UBA6: variants seen among roughly 807,000 people sequenced by gnomAD.
The protein encoded by UBA6 is ubiquitin-like modifier-activating enzyme 6.
Under a neutral mutation model 148.3 loss-of-function variants are expected in UBA6, and 87 were observed. That is an observed-to-expected ratio of 0.59 (90% CI 0.49 to 0.70). The LOEUF is 0.70. Among genes scored for constraint, UBA6 ranks in the 30% least tolerant of loss-of-function variants. UBA6 has a pLI of 0.00. For synonymous variants in UBA6, 376 were observed against 401.0 expected (o/e 0.94, Z 0.75); for missense variants, 1,186 against 1,241.2 (o/e 0.96, Z 0.67).
chr4:67,678,815 A>C (rs1349527889), intron 4 of UBA6, among the ~76,000 whole-genome samples: 1 of 152,206 alleles, frequency 6.6e-6, no homozygotes, highest in Non-Finnish European at 1.5e-5. Context: ...TAACAAGGTA[A>C]ACTGGCTCAA....
At chr4:67,628,518 C>CAGCTCCAT (rs11282189) in intron 27 of UBA6, among the ~76,000 whole-genome samples, 23,006 of 151,418 alleles carry the variant, frequency 0.15, 1,799 homozygotes, top group South Asian at 0.22. Flanking sequence ...AAAATTATAC[C>CAGCTCCAT]AGCTCCATCA....
intron 7 of UBA6, among the ~76,000 whole-genome samples, chr4:67,673,338 C>T (rs1730194900): frequency 6.6e-6 from 1 of 150,830 alleles, no homozygotes; most frequent in African/African-American, 2.4e-5. Flanking sequence ...ATAGCTTGAA[C>T]CCGGGAGGCG....
chr4:67,634,493 G>A lies in UBA6; in HGVS notation c.1868C>T (p.Pro623Leu), dbSNP rs757938700. 6 of 1,582,906 alleles carry A rather than the reference G, an allele frequency of 3.8e-6. No homozygotes were observed. Among genetic ancestry groups the A allele is most frequent in the Non-Finnish European group, 8.5e-7 (1 of 1,170,488 alleles). ...TGGAAAGGATTTTAGAGTACAAAATGGTATTTCCTCTTCTGGGGGATCCCG... is the reference window on the plus strand; with the variant it reads ...TGGAAAGGATTTTAGAGTACAAAATAGTATTTCCTCTTCTGGGGGATCCCG... ...SHRDPPEEEI[P>L]FCTLKSFPAA... Residue 623 changes from proline to leucine, a missense_variant, in exon 21 of 33, where the codon CCA becomes CTA. By Grantham distance (98) the Pro-to-Leu change is moderately conservative. Transcript: ENST00000322244.
In UBA6 at chr4:67,623,188, T is replaced by A; in HGVS notation, c.2875A>T (p.Thr959Ser). 6.2e-7 allele frequency: 1 copy of A among 1,612,768 alleles called. No individual in the cohort carries two copies. Among genetic ancestry groups the A allele is most frequent in the Non-Finnish European group, 8.5e-7 (1 of 1,179,088 alleles). Residue 959 changes from threonine (T) to serine (S), a missense_variant, in exon 31 of 33, where the codon ACC becomes TCC. Transcript: ENST00000322244. ...GTGAAATCTTCTTTTCCATGTACGG[T>A]CCATCGATCCCAAATTGTAAATGAT... is the stretch of plus-strand genomic sequence containing the variant. ...GISFTIWDRW[T>S]VHGKEDFTLL...
chr4:67,699,609 C>CT (rs1159571237), intron 1 of UBA6, among the ~76,000 whole-genome samples: 13 of 151,304 alleles, frequency 8.6e-5, no homozygotes, highest in African/African-American at 1.9e-4. Context: ...TGTTTCTTTT[C>CT]TTTTTTTTTG....
chr4:67,664,378 T>C lies in UBA6; in HGVS notation c.898-431A>G, dbSNP rs918581062. 2.0e-5 allele frequency among the ~76,000 whole-genome samples: 3 copies of C among 151,760 alleles called. No individual in the cohort carries two copies. In the East Asian group the frequency reaches 5.8e-4, roughly 29 times the overall value. ...AAATTGAGACATATCCAATTAAAAATTGGAGACAAAACATAAGGAGATATG... is the reference window on the plus strand; with the variant it reads ...AAATTGAGACATATCCAATTAAAAACTGGAGACAAAACATAAGGAGATATG... On this transcript the variant is annotated intron_variant, in intron 10 of 32. Transcript: ENST00000322244.
chr4:67,655,855 A>G (rs1560488922), intron 13 of UBA6, among the ~76,000 whole-genome samples: 1 of 152,214 alleles, frequency 6.6e-6, no homozygotes, highest in African/African-American at 2.4e-5. Flanking sequence ...GATAAAGGGG[A>G]TATCACCATC....
intron 27 of UBA6, among the ~76,000 whole-genome samples, chr4:67,627,430 A>C (rs929215855): frequency 1.3e-5 from 2 of 151,918 alleles, no homozygotes; most frequent in African/African-American, 2.4e-5. Context: ...ATTGCTCAGG[A>C]GAATTTATTA....
At chr4:67,624,404 G>T (rs12331690) in intron 29 of UBA6, 151 bp from the exon 30 acceptor site, 1 of 592,952 alleles carries the variant, frequency 1.7e-6, no homozygotes, top group Non-Finnish European at 2.7e-6. Flanking sequence ...CTTATTACAG[G>T]TCTGTATACT....
At position 67,658,784 on chromosome 4, in the gene UBA6, A is replaced by G. The variant is rs183342746; in HGVS notation, c.1104+3405T>C. On this transcript the variant is annotated intron_variant, in intron 13 of 32. Coordinates refer to ENST00000322244, the MANE Select transcript of UBA6 (RefSeq NM_018227.6). ...AGACTCAAAAGACTACACATACTAT[A>G]TGATTCCATTTATATGACATTCTAG... Among the ~76,000 whole-genome samples, 321 of 152,336 alleles carry G rather than the reference A, an allele frequency of 2.1e-3. 2 individuals carry two copies. The highest frequency in any genetic ancestry group is 7.2e-3 in the African/African-American group (301 of 41,572).
chr4:67,668,483 A>G (rs988392806), intron 9 of UBA6, 68 bp downstream of exon 9: 24 of 1,450,316 alleles, frequency 1.7e-5, no homozygotes, highest in East Asian at 1.4e-4. Flanking sequence ...TCTGTTCCCA[A>G]CACTTAGTGT....
chr4:67,630,619 A>G (rs2109900823), intron 25 of UBA6, 84 bp from the exon 26 acceptor site: 1 of 842,530 alleles, frequency 1.2e-6, no homozygotes, highest in East Asian at 2.9e-5. Flanking sequence ...TAGCCTTTAA[A>G]TGTAGTTTGA....
chr4:67,621,530 C>G (rs1363321953), intron 32 of UBA6, among the ~76,000 whole-genome samples: 2 of 152,202 alleles, frequency 1.3e-5, no homozygotes, highest in Non-Finnish European at 2.9e-5. Context: ...GGGCCGGGCA[C>G]AGTGGCTCAC....
At chr4:67,620,550 G>C (rs1391843813) in intron 32 of UBA6, among the ~76,000 whole-genome samples, 1 of 152,190 alleles carries the variant, frequency 6.6e-6, no homozygotes, top group East Asian at 1.9e-4. Context: ...AGCATCATTA[G>C]AGTGAGTATT....
chr4:67,644,436 T>C (rs948020667), intron 17 of UBA6, among the ~76,000 whole-genome samples: 1 of 152,130 alleles, frequency 6.6e-6, no homozygotes, highest in African/African-American at 2.4e-5. Context: ...CGTTATGAGA[T>C]AGGTAGTACA....
intron 2 of UBA6, among the ~76,000 whole-genome samples, chr4:67,690,797 T>A (rs1268913808): frequency 2.1e-5 from 3 of 144,180 alleles, no homozygotes; most frequent in Non-Finnish European, 3.1e-5. Context: ...AAACAAAACA[T>A]AACAAGTATT....
At chr4:67,634,944 T>C (rs1194766175) in intron 20 of UBA6, among the ~76,000 whole-genome samples, 2 of 152,104 alleles carry the variant, frequency 1.3e-5, no homozygotes, top group African/African-American at 2.4e-5. Flanking sequence ...AGCAGAAATA[T>C]GTCCTCAATG....
chr4:67,683,681 G>T (rs141826674), intron 2 of UBA6, among the ~76,000 whole-genome samples: 146 of 151,954 alleles, frequency 9.6e-4, no homozygotes, highest in African/African-American at 3.4e-3. Context: ...AAAAAGATTG[G>T]ACACCCCTGC....
intron 27 of UBA6, among the ~76,000 whole-genome samples, chr4:67,628,600 G>A (rs1183125433): frequency 6.6e-6 from 1 of 151,550 alleles, no homozygotes; most frequent in Non-Finnish European, 1.5e-5. Context: ...GTACTTATTA[G>A]CATTTTTGTT....
Sources: gnomAD v4.1 joint callset for allele counts (sites outside exome capture counted in the v4.1 genomes callset) on GRCh38, gnomAD v4.1.1 for gene constraint, MANE v1.5 for transcripts, NCBI Gene and HGNC (gene_info 2026-07-23, HGNC 2026-07-21) for gene names.